ABCC4: variants seen among roughly 807,000 people sequenced by gnomAD.
The protein encoded by ABCC4 is ATP binding cassette subfamily C member 4 (PEL blood group).
In ABCC4, 102 loss-of-function variants were observed where a neutral mutation model predicts 168.5. The ratio of observed to expected loss-of-function variants is 0.61; its 90% CI spans 0.52 to 0.71. ABCC4 has a LOEUF of 0.71. ABCC4 is among the 30% of genes least tolerant of loss of function. ABCC4 has a pLI of 0.00. For missense variants in ABCC4, 1,402 were observed against 1,605.8 expected, an observed-to-expected ratio of 0.87 and a Z score of 2.17; for synonymous variants, 617 against 590.7, an observed-to-expected ratio of 1.04 and a Z score of -0.65.
chr13:95,163,328 T>G, intron 17 of ABCC4, 112 bp from the exon 18 acceptor site: 1 of 763,034 alleles, frequency 1.3e-6, no homozygotes, highest in East Asian at 2.7e-5. Flanking sequence ...GGAAAATGAT[T>G]CTCAGCTCAC....
intron 1 of ABCC4, among the ~76,000 whole-genome samples, chr13:95,287,324 C>T (rs1468766057): frequency 6.6e-6 from 1 of 151,612 alleles, no homozygotes; most frequent in Non-Finnish European, 1.5e-5. Flanking sequence ...GATGGTGGCT[C>T]ACGCCTCTAA....
rs1156843134 is a variant in ABCC4, at chr13:95,163,768, AT to A, written c.2176-122del. Reference sequence around the variant, plus strand: ...CCCTCAAAGCCGGGCGTGGTGGCTCATGCTTGTAAACCCCAGCACTTTGGGA... The same window carrying A: ...CCCTCAAAGCCGGGCGTGGTGGCTCAGCTTGTAAACCCCAGCACTTTGGGA... On this transcript the variant is annotated intron_variant, in intron 16 of 30. Coordinates refer to ENST00000645237, the MANE Select transcript of ABCC4 (RefSeq NM_005845.5). 248 of 804,692 alleles carry A rather than the reference AT, an allele frequency of 3.1e-4. 1 individual carries two copies. Among genetic ancestry groups the A allele is most frequent in the Non-Finnish European group, 6.4e-5 (31 of 486,292 alleles). 49.8% of individuals were successfully genotyped at this position (804,692 alleles called of 1,614,324 possible).
At chr13:95,177,243 G>A (rs1298022627) in intron 13 of ABCC4, among the ~76,000 whole-genome samples, 1 of 152,138 alleles carries the variant, frequency 6.6e-6, no homozygotes, top group Non-Finnish European at 1.5e-5. Context: ...TCCCAAGAAA[G>A]CCCTATGTTG....
chr13:95,193,041 A>G (rs528655561), intron 9 of ABCC4, among the ~76,000 whole-genome samples: 1 of 152,376 alleles, frequency 6.6e-6, no homozygotes, highest in East Asian at 1.9e-4. Flanking sequence ...ATATCTGGGA[A>G]CACATTATTG....
Position 95,189,310 on chromosome 13 carries a change from T to G in ABCC4, c.1264-768A>C, listed in dbSNP as rs920209014. ...CACTGCGCCCAGCTAATTTTTTGTA[T>G]TTTTAGTAGAGACGGGGTTTCACCG... On this transcript the variant is annotated intron_variant, in intron 9 of 30. Coordinates refer to ENST00000645237, the MANE Select transcript of ABCC4 (RefSeq NM_005845.5). Among the ~76,000 whole-genome samples, 5 of 151,244 alleles carry G rather than the reference T, an allele frequency of 3.3e-5. No individual in the cohort carries two copies. The South Asian group carries it at 8.4e-4, about 26-fold the overall frequency.
chr13:95,224,661 C>T (rs1225908284), intron 4 of ABCC4, among the ~76,000 whole-genome samples: 1 of 151,478 alleles, frequency 6.6e-6, no homozygotes, highest in African/African-American at 2.4e-5. Context: ...CACTTGAACC[C>T]GGGAGGCGGA....
At chr13:95,295,911 G>A (rs1461833493) in intron 1 of ABCC4, among the ~76,000 whole-genome samples, 1 of 149,278 alleles carries the variant, frequency 6.7e-6, no homozygotes, top group African/African-American at 2.5e-5. Flanking sequence ...AGGTTGCAGT[G>A]AGCTGAGATC....
chr13:95,149,430 T>C (rs913659452), intron 19 of ABCC4, among the ~76,000 whole-genome samples: 34 of 152,182 alleles, frequency 2.2e-4, no homozygotes, highest in African/African-American at 7.7e-4. Flanking sequence ...CATGGGATAA[T>C]TGTAAGATGT....
At chr13:95,301,063 C>G (rs1028939630) in intron 1 of ABCC4, among the ~76,000 whole-genome samples, 178 bp downstream of exon 1, 1 of 152,036 alleles carries the variant, frequency 6.6e-6, no homozygotes, top group African/African-American at 2.4e-5. Context: ...ACCACGCGGC[C>G]GGCGTGGGGG....
At chr13:95,243,152 C>T (rs984508349) in intron 3 of ABCC4, among the ~76,000 whole-genome samples, 2 of 147,762 alleles carry the variant, frequency 1.4e-5, no homozygotes, top group African/African-American at 5.2e-5. Context: ...AGGTGCCTGC[C>T]GCCAGCACTG....
chr13:95,163,750 A>T, intron 16 of ABCC4, 103 bp from the exon 17 acceptor site: 1 of 992,166 alleles, frequency 1.0e-6, no homozygotes, highest in South Asian at 1.4e-5. Flanking sequence ...AAGCCCTCAA[A>T]GCCGGGCGTG....
intron 19 of ABCC4, among the ~76,000 whole-genome samples, chr13:95,140,407 T>A (rs916260087): frequency 2.4e-4 from 36 of 152,256 alleles, no homozygotes; most frequent in African/African-American, 8.7e-4. Context: ...CAAACCATCC[T>A]ATTAATTCAA....
intron 27 of ABCC4, among the ~76,000 whole-genome samples, chr13:95,047,473 A>ATTTTTTTT (rs2032629591): frequency 2.7e-4 from 15 of 55,104 alleles, no homozygotes; most frequent in African/African-American, 6.2e-4. Flanking sequence ...AATACTGCCT[A>ATTTTTTTT]TTCTTTTTTT....
chr13:95,103,048 C>T (rs918727614), intron 20 of ABCC4, among the ~76,000 whole-genome samples: 23 of 151,250 alleles, frequency 1.5e-4, no homozygotes, highest in African/African-American at 5.6e-4. Flanking sequence ...GGGTGGATCA[C>T]GAGGTCAGGA....
At chr13:95,218,945 GAAAGAA>G (rs2039216221) in intron 4 of ABCC4, among the ~76,000 whole-genome samples, 2 of 30,706 alleles carry the variant, frequency 6.5e-5, no homozygotes, top group African/African-American at 3.6e-4. Context: ...AAGAAAGAAA[GAAAGAA>G]AGAAAGAAAG....
intron 19 of ABCC4, among the ~76,000 whole-genome samples, chr13:95,142,287 G>A (rs1488729410): frequency 2.0e-5 from 3 of 152,214 alleles, no homozygotes; most frequent in African/African-American, 4.8e-5. Flanking sequence ...CAGTGACCTG[G>A]ATGAGACTGG....
chr13:95,261,449 C>G (rs1362817917), intron 1 of ABCC4, among the ~76,000 whole-genome samples: 1 of 151,322 alleles, frequency 6.6e-6, no homozygotes, highest in Non-Finnish European at 1.5e-5. Context: ...GACTCCCTAT[C>G]AAAAAAAAGA....
intron 4 of ABCC4, among the ~76,000 whole-genome samples, chr13:95,230,442 G>A (rs1566550116): frequency 6.6e-6 from 1 of 152,168 alleles, no homozygotes; most frequent in Non-Finnish European, 1.5e-5. Context: ...ACATAACCCA[G>A]CAACTCCATC....
At chr13:95,272,035 T>G (rs563835660) in intron 1 of ABCC4, among the ~76,000 whole-genome samples, 1 of 148,786 alleles carries the variant, frequency 6.7e-6, no homozygotes, top group Non-Finnish European at 1.5e-5. Context: ...TCCAGCATGT[T>G]CTTTAAGCAC....
Sources: allele counts gnomAD v4.1 joint callset (sites outside exome capture counted in the v4.1 genomes callset), GRCh38; gene constraint gnomAD v4.1.1; transcripts MANE v1.5; gene names NCBI Gene and HGNC (gene_info 2026-07-23, HGNC 2026-07-21).